CST3: variants seen among roughly 807,000 people sequenced by gnomAD.
CST3 encodes cystatin-C.
CST3 carries 14 observed loss-of-function variants against 9.0 expected under a neutral mutation model. That is an observed-to-expected ratio of 1.56 (90% CI 1.03 to 2.44). The LOEUF (loss-of-function observed/expected upper bound fraction) is 2.44. CST3 is among the 30% of genes most tolerant of loss of function. CST3 has a pLI of 0.00. For missense variants in CST3, 237 were observed against 204.3 expected (o/e 1.16, Z -0.98); for synonymous variants, 96 against 90.2 (o/e 1.06, Z -0.37).
intron 2 of CST3, among the ~76,000 whole-genome samples, chr20:23,634,834 T>C (rs1201050825): frequency 6.6e-6 from 1 of 151,996 alleles, no homozygotes; most frequent in Non-Finnish European, 1.5e-5. Flanking sequence ...CCTTCACCCA[T>C]ACGGATCTAT....
rs778669526 is a variant in CST3 at position 23,637,605 on chromosome 20, G to A, written c.243+15C>T. On this transcript the variant is annotated intron_variant, in intron 1 of 2. Transcript: ENST00000376925. The stretch of plus-strand genomic sequence containing the variant: ...CGGGGCCGGGGCTTCGGACCCTGCG[G>A]GGGGCGGCACGCACCTGCTTGCGGG... The A allele has an allele frequency of 2.7e-6, 4 of 1,509,052 alleles. No individual in the cohort carries two copies. The highest frequency in any genetic ancestry group is 1.3e-5 in the South Asian group (1 of 79,912). 93.5% of individuals were successfully genotyped at this position (1,509,052 alleles called of 1,614,324 possible). A position where few individuals can be genotyped will look rare whatever the true frequency, so the allele number is the denominator to read the frequency against.
At chr20:23,636,469 C>G (rs116032294) in intron 1 of CST3, among the ~76,000 whole-genome samples, 2,466 of 152,312 alleles carry the variant, frequency 0.016, 40 homozygotes, top group African/African-American at 0.039. Flanking sequence ...TCCACCCCAG[C>G]AGGGACTCAG....
chr20:23,629,171 C>T (rs922797077), downstream of CST3: 3 of 152,230 alleles, frequency 2.0e-5, no homozygotes, highest in African/African-American at 7.2e-5. Flanking sequence ...AGCTGTGGTC[C>T]AAAGGGTAGA....
In CST3 at chr20:23,633,877, A is replaced by G. The variant is rs760478171; in HGVS notation, c.*39T>C. Reference sequence around the variant, plus strand: ...GGAATACAGGGGGTGGGAGGTGTGCATAAGAGGTGATAGGCACAGGCCAGC... The same window carrying G: ...GGAATACAGGGGGTGGGAGGTGTGCGTAAGAGGTGATAGGCACAGGCCAGC... On this transcript the variant is annotated 3_prime_UTR_variant, in exon 3 of 3. Coordinates refer to ENST00000376925, the MANE Select transcript of CST3 (RefSeq NM_000099.4). 1 of 1,528,126 alleles carries G rather than the reference A, an allele frequency of 6.5e-7. No homozygotes were observed. Among genetic ancestry groups the G allele is most frequent in the Non-Finnish European group, 9.1e-7 (1 of 1,102,002 alleles). The allele number at this position is 1,528,126 out of a possible 1,614,324, so 94.7% of individuals were successfully genotyped here. A position where few individuals can be genotyped will look rare whatever the true frequency, so the allele number is the denominator to read the frequency against.
In CST3 at chr20:23,633,784, C is replaced by G; in HGVS notation, c.*132G>C. ...CAACAAAGGCCGCCTGCTGCCTTCT[C>G]TGTCTGTCTCCTGGTGCAGGCACAT... On this transcript the variant is annotated 3_prime_UTR_variant, in exon 3 of 3. Transcript: ENST00000376925. 1.3e-6 allele frequency: 1 copy of G among 792,770 alleles called. No homozygotes were observed. Among genetic ancestry groups the G allele is most frequent in the African/African-American group, 1.7e-5 (1 of 59,494 alleles). The allele number at this position is 792,770 out of a possible 1,614,324, so 49.1% of individuals were successfully genotyped here. A position where few individuals can be genotyped will look rare whatever the true frequency, so the allele number is the denominator to read the frequency against.
In CST3 at chr20:23,637,604, G is replaced by C. The variant is rs1399471602; in HGVS notation, c.243+16C>G. The C allele has an allele frequency of 1.1e-5, 16 of 1,507,624 alleles. No individual in the cohort carries two copies. The highest frequency in any genetic ancestry group is 2.3e-4 in the Middle Eastern group (1 of 4,266). 93.4% of individuals were successfully genotyped at this position (1,507,624 alleles called of 1,614,324 possible). ...GCGGGGCCGGGGCTTCGGACCCTGC[G>C]GGGGGCGGCACGCACCTGCTTGCGG... On this transcript the variant is annotated intron_variant, in intron 1 of 2. Transcript: ENST00000376925.
chr20:23,628,420 C>CT (rs1979332388), exon 4 of CST3: 2 of 152,172 alleles, frequency 1.3e-5, no homozygotes, highest in Non-Finnish European at 2.9e-5. Flanking sequence ...ATCTGTGGTC[C>CT]TTGCATTTTT....
intron 2 of CST3, among the ~76,000 whole-genome samples, 170 bp downstream of exon 2, chr20:23,635,084 T>G (rs1458090699): frequency 6.6e-6 from 1 of 151,752 alleles, no homozygotes; most frequent in East Asian, 1.9e-4. Flanking sequence ...CACACTCACG[T>G]GCACTTCCCC....
exon 4 of CST3, chr20:23,628,283 A>T (rs1979324606): frequency 6.6e-6 from 1 of 152,238 alleles, no homozygotes; most frequent in Non-Finnish European, 1.5e-5. Flanking sequence ...CTTCTGGCTG[A>T]CCACAGCTTA....
intron 1 of CST3, 64 bp downstream of exon 1, chr20:23,637,556 C>A: frequency 7.2e-7 from 1 of 1,385,320 alleles, no homozygotes. Context: ...GGTCCGGGAG[C>A]AGCGCGGGGG....
downstream of CST3, among the ~76,000 whole-genome samples, chr20:23,632,646 T>G (rs1186651146): frequency 1.3e-5 from 2 of 152,184 alleles, no homozygotes; most frequent in Non-Finnish European, 1.5e-5. Flanking sequence ...TTTTCCTTCA[T>G]CATTTCACCT....
chr20:23,630,146 GTATT>G (rs1235456797), downstream of CST3, among the ~76,000 whole-genome samples: 1 of 152,202 alleles, frequency 6.6e-6, no homozygotes, highest in East Asian at 1.9e-4. Flanking sequence ...AATGGGAGGA[GTATT>G]TAAACATCCA....
intron 1 of CST3, among the ~76,000 whole-genome samples, chr20:23,636,966 C>A (rs950104419): frequency 1.3e-5 from 2 of 152,102 alleles, no homozygotes; most frequent in Admixed American, 6.5e-5. Context: ...GAAAAACACA[C>A]TGAAGTGTTT....
chr20:23,635,139 A>C (rs1179010176), intron 2 of CST3, 115 bp downstream of exon 2: 9 of 919,254 alleles, frequency 9.8e-6, no homozygotes, highest in Non-Finnish European at 1.6e-5. Flanking sequence ...CCACGTGTAC[A>C]CACACTCAGG....
chr20:23,632,471 C>T (rs2122465753), downstream of CST3, among the ~76,000 whole-genome samples: 1 of 152,222 alleles, frequency 6.6e-6, no homozygotes, highest in Non-Finnish European at 1.5e-5. Context: ...CAGCTCATGG[C>T]ATCCTAGGGG....
At chr20:23,637,068 G>A (rs1271205014) in intron 1 of CST3, among the ~76,000 whole-genome samples, 1 of 152,150 alleles carries the variant, frequency 6.6e-6, no homozygotes, top group Non-Finnish European at 1.5e-5. Flanking sequence ...GGAACAAACA[G>A]GGCAAAATGT....
At chr20:23,633,344 C>T (rs1434602619), downstream of CST3, among the ~76,000 whole-genome samples, 1 of 152,116 alleles carries the variant, frequency 6.6e-6, no homozygotes, top group Non-Finnish European at 1.5e-5. Flanking sequence ...CTCCCTCCTC[C>T]TGGTCTGACC....
Position 23,633,708 on chromosome 20 carries a change from G to A in CST3, c.*208C>T, listed in dbSNP as rs989068165. 15 of 657,934 alleles carry A rather than the reference G, an allele frequency of 2.3e-5. No homozygotes were observed. Among genetic ancestry groups the A allele is most frequent in the South Asian group, 5.1e-5 (3 of 59,002 alleles). The allele number at this position is 657,934 out of a possible 1,614,324, so 40.8% of individuals were successfully genotyped here. On this transcript the variant is annotated 3_prime_UTR_variant, in exon 3 of 3. Coordinates refer to ENST00000376925, the MANE Select transcript of CST3 (RefSeq NM_000099.4). ...GGTGGGGGTGTATGCACCGCACACCGGGGCTATGAGAAGCAAGAAGGAAGG... is the reference window on the plus strand; with the variant it reads ...GGTGGGGGTGTATGCACCGCACACCAGGGCTATGAGAAGCAAGAAGGAAGG...
intron 1 of CST3, among the ~76,000 whole-genome samples, chr20:23,636,169 C>G (rs981851905): frequency 6.6e-6 from 1 of 152,166 alleles, no homozygotes; most frequent in Non-Finnish European, 1.5e-5. Context: ...TGCAGGCCAG[C>G]GGGGACCCTA....
Sources: gnomAD v4.1 joint callset for allele counts (sites outside exome capture counted in the v4.1 genomes callset) on GRCh38, gnomAD v4.1.1 for gene constraint, MANE v1.5 for transcripts, NCBI Gene and HGNC (gene_info 2026-07-23, HGNC 2026-07-21) for gene names.